The following RAD9B variants were observed in gnomAD, a reference collection of about 807,000 sequenced individuals.
The protein encoded by RAD9B is cell cycle checkpoint control protein RAD9B.
RAD9B carries 41 observed loss-of-function variants against 48.3 expected under a neutral mutation model. That is an observed-to-expected ratio of 0.85 (90% confidence interval 0.66 to 1.10). The LOEUF is 1.10. RAD9B is among the 50% of genes least tolerant of loss of function. RAD9B has a pLI of 0.00. For missense variants in RAD9B, 444 were observed against 485.1 expected, an observed-to-expected ratio of 0.92 and a Z score of 0.80; for synonymous variants, 160 against 157.9, an observed-to-expected ratio of 1.01 and a Z score of -0.10.
At chr12:110,515,463 C>T (rs926598982) in intron 6 of RAD9B, among the ~76,000 whole-genome samples, 76 of 152,108 alleles carry the variant, frequency 5.0e-4, no homozygotes, top group Admixed American at 4.9e-3. Context: ...GAGTTCGAGA[C>T]CAGCCTGGCC....
chr12:110,529,597 A>T (rs918451548), intron 10 of RAD9B, among the ~76,000 whole-genome samples: 4 of 152,120 alleles, frequency 2.6e-5, no homozygotes, highest in African/African-American at 9.7e-5. Context: ...CGGAAAAAAA[A>T]AAAAAGGCTG....
In RAD9B at chr12:110,512,838, G is replaced by A; in HGVS notation, c.448G>A (p.Asp150Asn). ...QESQPLQVIF[D>N]KNVCTNTLMI... ...AAGTCAGCCTTTGCAAGTTATTTTTGACAAGAATGTTTGTACTAATACGCT... is the reference window on the plus strand; with the variant it reads ...AAGTCAGCCTTTGCAAGTTATTTTTAACAAGAATGTTTGTACTAATACGCT... Residue 150 changes from aspartate (D) to asparagine (N), a missense_variant, in exon 5 of 11, where the codon GAC becomes AAC. Physicochemically the swap from Asp to Asn is conservative, Grantham distance 23. Transcript: ENST00000409300. 2 of 1,551,436 alleles carry A rather than the reference G, an allele frequency of 1.3e-6. No homozygotes were observed. Among genetic ancestry groups the A allele is most frequent in the Non-Finnish European group, 1.8e-6 (2 of 1,134,452 alleles).
At chr12:110,502,515 C>T (rs1312876640) in intron 1 of RAD9B, 132 bp downstream of exon 1, 2 of 997,094 alleles carry the variant, frequency 2.0e-6, no homozygotes, top group African/African-American at 3.2e-5. Flanking sequence ...CTGGCCACAG[C>T]CCCACCCACT....
In RAD9B at chr12:110,512,759, G is replaced by A; in HGVS notation, c.389-20G>A. The A allele has an allele frequency of 2.1e-6, 2 of 960,088 alleles. No homozygotes were observed. The highest frequency in any genetic ancestry group is 3.2e-6 in the Non-Finnish European group (2 of 631,654). 59.5% of individuals were successfully genotyped at this position (960,088 alleles called of 1,614,324 possible). A position where few individuals can be genotyped will look rare whatever the true frequency, so the allele number is the denominator to read the frequency against. ...GTTTTGTACTTAAAATTATTAAGAG[G>A]TGGCTTTATTCTTTTTAAGGTATTA... On this transcript the variant is annotated intron_variant, in intron 4 of 10. Coordinates refer to ENST00000409300, the MANE Select transcript of RAD9B (RefSeq NM_001286535.2).
chr12:110,515,906 G>A lies in RAD9B; in HGVS notation c.595+750G>A, dbSNP rs555454871. Among the ~76,000 whole-genome samples the A allele has an allele frequency of 8.5e-5, 13 of 152,098 alleles. 1 individual carries two copies. In the South Asian group the frequency reaches 2.5e-3, roughly 29 times the overall value. On this transcript the variant is annotated intron_variant, in intron 6 of 10. Coordinates refer to ENST00000409300, the MANE Select transcript of RAD9B (RefSeq NM_001286535.2). Reference sequence around the variant, plus strand: ...TTGATCTTCATAACAACTCTAAGATGTATGTAGGTACTATTATTATCCCCA... The same window carrying A: ...TTGATCTTCATAACAACTCTAAGATATATGTAGGTACTATTATTATCCCCA...
chr12:110,530,589 A>G lies in RAD9B; in HGVS notation c.1190A>G (p.Asp397Gly). ...CAAGAACACTTCAACCACCCTTTCG[A>G]CAGTCTGGCAAGAGCAAGTGACAGT... The part of the protein sequence containing the change: ...DQQEHFNHPF[D>G]SLARASDSEE... Residue 397 changes from aspartate to glycine, a missense_variant, in exon 11 of 11, where the codon GAC becomes GGC. Asp to Gly is a moderately conservative substitution (Grantham distance 94, BLOSUM62 -1). Transcript: ENST00000409300. The G allele has an allele frequency of 6.2e-7, 1 of 1,613,974 alleles. No homozygotes were observed. The highest frequency in any genetic ancestry group is 1.3e-5 in the African/African-American group (1 of 75,054).
In RAD9B at chr12:110,515,087, C is replaced by G. The variant is rs61758787; in HGVS notation, c.526C>G (p.Gln176Glu). The G allele has an allele frequency of 2.9e-3, 4,565 of 1,556,146 alleles. 16 individuals carry two copies. The highest frequency in any genetic ancestry group is 3.6e-3 in the Non-Finnish European group (4,177 of 1,148,328). ...TGCCATTGTTCTTTTTACATCAAGT[C>G]AAGAGGAAGTTACTCTTGCTGTTAC... is the stretch of plus-strand genomic sequence containing the variant. Reference protein sequence around the residue: ...ADAIVLFTSSQEEVTLAVTPL... With the variant: ...ADAIVLFTSSEEEVTLAVTPL... The change falls in exon 6 of 11, where the codon CAA (glutamine) becomes GAA (glutamate). Residue 176 changes from glutamine (Q) to glutamate (E), a missense_variant. By Grantham distance (29) the Gln-to-Glu change is conservative. Transcript: ENST00000409300.
Position 110,530,838 on chromosome 12 carries a change from G to T in RAD9B, c.*185G>T. Reference sequence around the variant, plus strand: ...AGAAATAGCTGTTTGTCAAGTGTATGTAACTTGCTTTAAATCCATTATGCT... The same window carrying T: ...AGAAATAGCTGTTTGTCAAGTGTATTTAACTTGCTTTAAATCCATTATGCT... On this transcript the variant is annotated 3_prime_UTR_variant, in exon 11 of 11. Coordinates refer to ENST00000409300, the MANE Select transcript of RAD9B (RefSeq NM_001286535.2). 7.3e-7 allele frequency: 1 copy of T among 1,372,384 alleles called. No homozygotes were observed. The allele number at this position is 1,372,384 out of a possible 1,614,324, so 85.0% of individuals were successfully genotyped here.
intron 6 of RAD9B, among the ~76,000 whole-genome samples, chr12:110,517,729 G>A (rs931797504): frequency 2.0e-5 from 3 of 147,266 alleles, no homozygotes; most frequent in African/African-American, 7.5e-5. Flanking sequence ...AAGCAATTTT[G>A]TAGTGGAAAA....
intron 6 of RAD9B, 62 bp from the exon 7 acceptor site, chr12:110,518,614 T>G: frequency 4.8e-6 from 6 of 1,262,288 alleles, no homozygotes; most frequent in Non-Finnish European, 6.6e-6. Context: ...AAAAATTCTT[T>G]TTTCCTCTAA....
intron 2 of RAD9B, among the ~76,000 whole-genome samples, chr12:110,504,822 C>T (rs576026514): frequency 6.6e-6 from 1 of 152,194 alleles, no homozygotes; most frequent in African/African-American, 2.4e-5. Flanking sequence ...CAAAGCAAGA[C>T]ACTACCTGTC....
intron 8 of RAD9B, among the ~76,000 whole-genome samples, chr12:110,519,386 G>A (rs1010676403): frequency 3.3e-5 from 5 of 151,594 alleles, no homozygotes; most frequent in African/African-American, 1.2e-4. Context: ...TTACAGGCGT[G>A]AGCCATAGCA....
intron 6 of RAD9B, among the ~76,000 whole-genome samples, chr12:110,516,226 C>CAA (rs201236068): frequency 7.1e-6 from 1 of 141,466 alleles, no homozygotes; most frequent in Non-Finnish European, 1.6e-5. Flanking sequence ...GATCTTGTCT[C>CAA]AAAAAAAAAA....
chr12:110,507,896 G>A (rs1006428761), intron 4 of RAD9B, among the ~76,000 whole-genome samples: 4 of 151,648 alleles, frequency 2.6e-5, no homozygotes, highest in African/African-American at 7.3e-5. Flanking sequence ...ATGATCTGCC[G>A]GCCTTGACCT....
chr12:110,507,863 A>T lies in RAD9B; in HGVS notation c.388+1170A>T, dbSNP rs193253845. Among the ~76,000 whole-genome samples the T allele has an allele frequency of 6.8e-3, 1,033 of 151,668 alleles. 1 individual carries two copies. Among genetic ancestry groups the T allele is most frequent in the Non-Finnish European group, 9.4e-3 (636 of 67,920 alleles). ...TGGGGTTTTACCATGTTGGTCAGGCAGGTCTGAAACTCCTGACCTCAGATG... is the reference window on the plus strand; with the variant it reads ...TGGGGTTTTACCATGTTGGTCAGGCTGGTCTGAAACTCCTGACCTCAGATG... On this transcript the variant is annotated intron_variant, in intron 4 of 10. Coordinates refer to ENST00000409300, the MANE Select transcript of RAD9B (RefSeq NM_001286535.2).
intron 10 of RAD9B, among the ~76,000 whole-genome samples, chr12:110,527,467 G>C (rs544741623): frequency 6.6e-6 from 1 of 152,302 alleles, no homozygotes; most frequent in Non-Finnish European, 1.5e-5. Flanking sequence ...GCTATCTGGA[G>C]AGCAGGTTCA....
At chr12:110,519,727 TTTCTAATGTG>T in intron 8 of RAD9B, 57 bp from the exon 9 acceptor site, 1 of 1,531,170 alleles carries the variant, frequency 6.5e-7, no homozygotes, top group South Asian at 1.3e-5. Context: ...TTAAGTATCA[TTTCTAATGTG>T]TTTCTAATGT....
chr12:110,518,019 T>A (rs1398717826), intron 6 of RAD9B, among the ~76,000 whole-genome samples: 1 of 151,778 alleles, frequency 6.6e-6, no homozygotes, highest in Non-Finnish European at 1.5e-5. Context: ...AAACCCCATC[T>A]CTACTAAAAG....
In RAD9B at chr12:110,502,380, A is replaced by G. The variant is rs771556218; in HGVS notation, c.43A>G (p.Lys15Glu). 6.2e-7 allele frequency: 1 copy of G among 1,613,742 alleles called. No individual in the cohort carries two copies. Among genetic ancestry groups the G allele is most frequent in the Non-Finnish European group, 8.5e-7 (1 of 1,179,794 alleles). Residue 15 changes from lysine (K) to glutamate (E), a missense_variant, in exon 1 of 11, where the codon AAA becomes GAA. Coordinates refer to ENST00000409300, the MANE Select transcript of RAD9B (RefSeq NM_001286535.2). ...LKCVMSGSQV[K>E]VFGKAVQALS... ...GTGCGTGATGAGCGGCAGTCAGGTGAAAGGTGGAGCGGCCTTTGTTGTCTT... is the reference window on the plus strand; with the variant it reads ...GTGCGTGATGAGCGGCAGTCAGGTGGAAGGTGGAGCGGCCTTTGTTGTCTT...
Sources: allele counts gnomAD v4.1 joint callset (sites outside exome capture counted in the v4.1 genomes callset), GRCh38; gene constraint gnomAD v4.1.1; transcripts MANE v1.5; gene names NCBI Gene and HGNC (gene_info 2026-07-23, HGNC 2026-07-21).